The following CLDN14 variants were observed in gnomAD, a reference collection of about 807,000 sequenced individuals.
CLDN14 encodes the protein claudin 14.
CLDN14 carries 2 observed loss-of-function variants against 2.1 expected under a neutral mutation model. The ratio of observed to expected loss-of-function variants is 0.96; its 90% CI spans 0.39 to 3.01. The LOEUF is 3.01. Ranked by LOEUF, CLDN14 falls within the 30% of genes most tolerant of loss-of-function variation. The probability of loss-of-function intolerance (pLI) is 0.09; values close to 1 mark genes in which losing one functional copy is unlikely to be tolerated. For synonymous variants in CLDN14, 136 were observed against 154.4 expected, an observed-to-expected ratio of 0.88 and a Z score of 0.88; for missense variants, 298 against 328.0, an observed-to-expected ratio of 0.91 and a Z score of 0.71.
At chr21:36,486,507 G>A (rs766545921) in intron 2 of CLDN14, 2 of 1,564,716 alleles carry the variant, frequency 1.3e-6, no homozygotes, top group South Asian at 2.2e-5. Context: ...CTGGCACCGA[G>A]ACCCAGCATG....
chr21:36,517,676 G>A (rs1454623741), intron 1 of CLDN14, among the ~76,000 whole-genome samples: 1 of 152,302 alleles, frequency 6.6e-6, no homozygotes, highest in African/African-American at 2.4e-5. Context: ...AGAGCTCAAG[G>A]TGTACCCTGA....
intron 2 of CLDN14, among the ~76,000 whole-genome samples, chr21:36,495,262 G>T (rs1004524195): frequency 3.9e-5 from 6 of 152,196 alleles, no homozygotes; most frequent in Admixed American, 2.0e-4. Flanking sequence ...CCGGGAGGCG[G>T]AGGTTGCTGT....
At chr21:36,518,320 G>C (rs1161021804) in intron 1 of CLDN14, among the ~76,000 whole-genome samples, 3 of 152,144 alleles carry the variant, frequency 2.0e-5, no homozygotes, top group African/African-American at 7.2e-5. Context: ...CATACTTCTG[G>C]CCGGGCGTGG....
chr21:36,574,447 G>A (rs1035736620), intron 1 of CLDN14, among the ~76,000 whole-genome samples: 5 of 152,092 alleles, frequency 3.3e-5, no homozygotes, highest in Non-Finnish European at 7.4e-5. Context: ...AGCAAAAGAA[G>A]CCAAACTCCG....
chr21:36,490,640 C>T (rs1229368021), intron 2 of CLDN14, among the ~76,000 whole-genome samples: 3 of 151,470 alleles, frequency 2.0e-5, no homozygotes, highest in Non-Finnish European at 3.0e-5. Flanking sequence ...CCACCTGCCT[C>T]GGCCTCCCAA....
intron 2 of CLDN14, among the ~76,000 whole-genome samples, chr21:36,501,368 T>TTTTTA (rs1601614064): frequency 8.5e-6 from 1 of 117,778 alleles, no homozygotes; most frequent in African/African-American, 3.7e-5. Context: ...TTTTTTTTTT[T>TTTTTA]AGAAAAGTGA....
intron 1 of CLDN14, among the ~76,000 whole-genome samples, chr21:36,538,733 C>G (rs1023395321): frequency 6.7e-6 from 1 of 149,192 alleles, no homozygotes; most frequent in Non-Finnish European, 1.5e-5. Context: ...CTGCAGTGCT[C>G]CCTCAAGTCA....
intron 1 of CLDN14, among the ~76,000 whole-genome samples, chr21:36,573,460 G>C (rs1010882702): frequency 1.3e-5 from 2 of 152,110 alleles, no homozygotes; most frequent in African/African-American, 4.8e-5. Flanking sequence ...AGCTTAACCA[G>C]GTGGTTGTGA....
chr21:36,545,254 GGTGGA>G (rs2087519200), intron 1 of CLDN14, among the ~76,000 whole-genome samples: 1 of 152,224 alleles, frequency 6.6e-6, no homozygotes, highest in Admixed American at 6.5e-5. Context: ...AGCGTTTTAA[GGTGGA>G]GTGGGTAGAA....
At chr21:36,468,250 C>G (rs73902529) in intron 1 of CLDN14, among the ~76,000 whole-genome samples, 7,294 of 152,218 alleles carry the variant, frequency 0.048, 209 homozygotes, top group East Asian at 0.12. Flanking sequence ...TCACCCCAAC[C>G]AAATGGCCTC....
chr21:36,517,965 C>T (rs572716846), intron 1 of CLDN14, among the ~76,000 whole-genome samples: 1 of 152,256 alleles, frequency 6.6e-6, no homozygotes, highest in East Asian at 1.9e-4. Flanking sequence ...TCAATTGCAA[C>T]TCTTCCCTGA....
In CLDN14 at chr21:36,562,199, C is replaced by G. The variant is rs2087640936; in HGVS notation, c.-220+14212G>C. ...CATTGTCACACAGGGAAACAGATAC[C>G]CTGAAGAAGAGGACTAGGATGGGTA... On this transcript the variant is annotated intron_variant, in intron 1 of 2. Transcript: ENST00000342108. Among the ~76,000 whole-genome samples the G allele has an allele frequency of 2.0e-5, 3 of 151,934 alleles. No homozygotes were observed. In the South Asian group the frequency reaches 6.2e-4, roughly 32 times the overall value.
chr21:36,480,314 A>G (rs1194190061), upstream of CLDN14: 1 of 152,280 alleles, frequency 6.6e-6, no homozygotes, highest in Non-Finnish European at 1.5e-5. Context: ...AAGAGGGACA[A>G]TTTGCTACAA....
chr21:36,488,157 G>A (rs1255593472), intron 2 of CLDN14, among the ~76,000 whole-genome samples: 3 of 152,136 alleles, frequency 2.0e-5, no homozygotes, highest in African/African-American at 7.2e-5. Context: ...CAACACGGCT[G>A]AACCTTGAGG....
chr21:36,566,150 G>A (rs1170870921), intron 1 of CLDN14, among the ~76,000 whole-genome samples: 1 of 152,160 alleles, frequency 6.6e-6, no homozygotes, highest in Non-Finnish European at 1.5e-5. Flanking sequence ...TAGTAATTCA[G>A]TATGAAATAC....
rs113812093 is a variant in CLDN14 at position 36,506,596 on chromosome 21, C to CAA, written c.-82+3765_-82+3766dup. Among the ~76,000 whole-genome samples the CAA allele has an allele frequency of 2.8e-3, 297 of 105,514 alleles. 2 individuals are homozygous for CAA. Among genetic ancestry groups the CAA allele is most frequent in the East Asian group, 0.028 (96 of 3,476 alleles). 69.2% of individuals were successfully genotyped at this position (105,514 alleles called of 152,430 possible). On this transcript the variant is annotated intron_variant, in intron 2 of 2. Transcript: ENST00000342108. ...TGGGTGAAAGACCAAGACTCTGTCT[C>CAA]AAAAAAAAAAAAAAAAGAAAGAACA... is the stretch of plus-strand genomic sequence containing the variant.
chr21:36,528,691 A>G (rs1176160645), intron 1 of CLDN14, among the ~76,000 whole-genome samples: 1 of 152,198 alleles, frequency 6.6e-6, no homozygotes, highest in East Asian at 1.9e-4. Flanking sequence ...GCAGACAGTG[A>G]TGCACCCTGG....
chr21:36,465,402 G>A (rs989973626), intron 1 of CLDN14, among the ~76,000 whole-genome samples: 2 of 152,196 alleles, frequency 1.3e-5, no homozygotes, highest in Non-Finnish European at 2.9e-5. Context: ...ATTTTTAAAC[G>A]TGTGCTATAA....
In CLDN14 at chr21:36,486,680, A is replaced by G. The variant is rs537860719; in HGVS notation, c.-82+23683T>C. On this transcript the variant is annotated intron_variant, in intron 2 of 2. Coordinates refer to the CLDN14 transcript ENST00000342108. ...GTTCACCTCCTCTTCCCCCAAATTT[A>G]TCATGTCAACATTTACTTTCTCCTT... The G allele has an allele frequency of 6.5e-5, 88 of 1,360,096 alleles. No homozygotes were observed. In the African/African-American group the frequency reaches 1.2e-3, roughly 18 times the overall value. The allele number at this position is 1,360,096 out of a possible 1,614,324, so 84.3% of individuals were successfully genotyped here. A position where few individuals can be genotyped will look rare whatever the true frequency, so the allele number is the denominator to read the frequency against.
Sources: gnomAD v4.1 joint callset for allele counts (sites outside exome capture counted in the v4.1 genomes callset) on GRCh38, gnomAD v4.1.1 for gene constraint, MANE v1.5 for transcripts, NCBI Gene and HGNC (gene_info 2026-07-23, HGNC 2026-07-21) for gene names.